The following MRPS28 variants were observed in gnomAD, a reference collection of about 807,000 sequenced individuals.
The protein encoded by MRPS28 is mitochondrial ribosomal protein S28, also known as small ribosomal subunit protein bS1m.
A neutral mutation model predicts 10.8 loss-of-function variants in MRPS28; 7 were observed. That is an observed-to-expected ratio of 0.65 (90% confidence interval 0.37 to 1.22). The LOEUF is 1.22. Ranked by LOEUF, MRPS28 falls within the 50% of genes most tolerant of loss-of-function variation. The pLI is 0.02. For missense variants in MRPS28, 265 were observed against 232.9 expected (o/e 1.14, Z -0.90); for synonymous variants, 121 against 93.3 (o/e 1.30, Z -1.71).
intron 2 of MRPS28, among the ~76,000 whole-genome samples, chr8:79,965,775 C>A (rs1354254401): frequency 6.6e-6 from 1 of 151,928 alleles, no homozygotes; most frequent in African/African-American, 2.4e-5. Flanking sequence ...TAAGTGATAA[C>A]AGGAAGAAAA....
At chr8:79,946,159 T>C (rs552570671) in intron 2 of MRPS28, among the ~76,000 whole-genome samples, 2 of 152,254 alleles carry the variant, frequency 1.3e-5, no homozygotes, top group East Asian at 1.9e-4. Flanking sequence ...AAATATATCA[T>C]GAACCCATTC....
chr8:79,947,004 G>A (rs1228132248), intron 2 of MRPS28, among the ~76,000 whole-genome samples: 1 of 152,148 alleles, frequency 6.6e-6, no homozygotes, highest in Non-Finnish European at 1.5e-5. Flanking sequence ...AAAGAGGTAT[G>A]TTTTTCAGTG....
rs139419056 is a variant in MRPS28 at position 79,948,499 on chromosome 8, G to A, written c.396-29351C>T. Reference sequence around the variant, plus strand: ...CTTACAACTCTAGCTATGACATCCAGTATAATGAAGAGTAAAAAGTTAAAA... The same window carrying A: ...CTTACAACTCTAGCTATGACATCCAATATAATGAAGAGTAAAAAGTTAAAA... On this transcript the variant is annotated intron_variant, in intron 2 of 2. Transcript: ENST00000276585. Among the ~76,000 whole-genome samples, 200 of 152,152 alleles carry A rather than the reference G, an allele frequency of 1.3e-3. 1 individual carries two copies. In the East Asian group the frequency reaches 0.017, roughly 13 times the overall value.
chr8:79,948,474 C>T (rs1056994339), intron 2 of MRPS28, among the ~76,000 whole-genome samples: 3 of 151,988 alleles, frequency 2.0e-5, no homozygotes, highest in Non-Finnish European at 2.9e-5. Context: ...TTTTTCTTGC[C>T]TTACAACTCT....
At chr8:79,987,711 T>A (rs1808230864) in intron 2 of MRPS28, among the ~76,000 whole-genome samples, 1 of 152,118 alleles carries the variant, frequency 6.6e-6, no homozygotes, top group African/African-American at 2.4e-5. Context: ...GAAATGCTAA[T>A]CAAAACCACA....
chr8:79,958,056 A>C (rs528556522), intron 2 of MRPS28: 67 of 223,988 alleles, frequency 3.0e-4, no homozygotes, highest in African/African-American at 1.4e-3. Flanking sequence ...TGTATAATTC[A>C]GTGACTTTGA....
chr8:79,960,499 G>A (rs1807348464), intron 2 of MRPS28, among the ~76,000 whole-genome samples: 1 of 152,112 alleles, frequency 6.6e-6, no homozygotes, highest in Non-Finnish European at 1.5e-5. Flanking sequence ...TCAATGTATA[G>A]CAGTGTGAAT....
chr8:79,987,460 A>C (rs1452890787), intron 2 of MRPS28, among the ~76,000 whole-genome samples: 5 of 152,110 alleles, frequency 3.3e-5, no homozygotes, highest in Non-Finnish European at 5.9e-5. Flanking sequence ...TCTGCACAGC[A>C]AAAGAAACTA....
chr8:79,965,046 T>C (rs1394180808), intron 2 of MRPS28, among the ~76,000 whole-genome samples: 1 of 152,170 alleles, frequency 6.6e-6, no homozygotes, highest in Non-Finnish European at 1.5e-5. Flanking sequence ...CATAGCCATA[T>C]ATAATACACA....
chr8:80,029,665 C>T (rs1046839433), intron 1 of MRPS28: 1 of 1,219,828 alleles, frequency 8.2e-7, no homozygotes, highest in Non-Finnish European at 1.1e-6. Flanking sequence ...AGAACAAGAC[C>T]CAGCAGAGCC....
chr8:79,963,772 C>T (rs751211475), intron 2 of MRPS28, among the ~76,000 whole-genome samples: 2 of 152,062 alleles, frequency 1.3e-5, no homozygotes, highest in Non-Finnish European at 2.9e-5. Flanking sequence ...AGCCACTGTT[C>T]ACAGCTCAGT....
At chr8:80,023,481 C>A (rs577422063) in intron 1 of MRPS28, among the ~76,000 whole-genome samples, 3 of 151,688 alleles carry the variant, frequency 2.0e-5, no homozygotes, top group East Asian at 3.9e-4. Context: ...TTTAGATATT[C>A]TGTCTTCTGG....
intron 2 of MRPS28, among the ~76,000 whole-genome samples, chr8:79,922,793 T>A (rs1810129998): frequency 6.6e-6 from 1 of 152,006 alleles, no homozygotes; most frequent in African/African-American, 2.4e-5. Context: ...GTACTGCTGG[T>A]TAAAAATCAC....
intron 2 of MRPS28, among the ~76,000 whole-genome samples, chr8:79,988,457 TAAA>T (rs1476421666): frequency 1.3e-5 from 2 of 150,304 alleles, no homozygotes; most frequent in Admixed American, 6.6e-5. Context: ...ATAAAAAAAT[TAAA>T]AAAAGAAAGA....
rs1246235985 is a variant in MRPS28 at position 79,920,500 on chromosome 8, GT to G, written c.396-1353del. Among the ~76,000 whole-genome samples, 92 of 152,260 alleles carry G rather than the reference GT, an allele frequency of 6.0e-4. 1 individual carries two copies. In the South Asian group the frequency reaches 0.015, roughly 24 times the overall value. On this transcript the variant is annotated intron_variant, in intron 2 of 2. Coordinates refer to ENST00000276585, the MANE Select transcript of MRPS28 (RefSeq NM_014018.3). ...TCACCATTCTAACTGGTGTGAGATG[GT>G]TATCCCATTGTGGTTTTGATTTGCA...
intron 2 of MRPS28, among the ~76,000 whole-genome samples, chr8:79,991,186 G>T (rs1808353907): frequency 6.6e-6 from 1 of 152,144 alleles, no homozygotes; most frequent in African/African-American, 2.4e-5. Flanking sequence ...TGGCTTTCTG[G>T]ACTATATGGC....
chr8:79,952,652 C>T (rs373115069), intron 2 of MRPS28, among the ~76,000 whole-genome samples: 4 of 152,250 alleles, frequency 2.6e-5, no homozygotes, highest in East Asian at 1.9e-4. Context: ...GTCCTTATTA[C>T]AGGAAAGAGT....
At chr8:79,971,492 C>G (rs1807633041) in intron 2 of MRPS28, among the ~76,000 whole-genome samples, 1 of 152,154 alleles carries the variant, frequency 6.6e-6, no homozygotes, top group African/African-American at 2.4e-5. Context: ...CTATCACTCC[C>G]TTAAATGTCC....
intron 2 of MRPS28, among the ~76,000 whole-genome samples, chr8:79,934,177 T>A (rs781023151): frequency 9.2e-5 from 14 of 152,084 alleles, no homozygotes; most frequent in Non-Finnish European, 2.1e-4. Flanking sequence ...TGTAATCTGG[T>A]TTCAATTCCT....
Sources: allele counts gnomAD v4.1 joint callset (sites outside exome capture counted in the v4.1 genomes callset), GRCh38; gene constraint gnomAD v4.1.1; transcripts MANE v1.5; gene names NCBI Gene and HGNC (gene_info 2026-07-23, HGNC 2026-07-21).